The following PKD1L1 variants were observed in gnomAD, a reference collection of about 807,000 sequenced individuals.
The protein encoded by PKD1L1 is polycystin 1 like 1, transient receptor potential channel interacting, also known as polycystin-1-like protein 1.
In PKD1L1, 236 loss-of-function variants were observed where a neutral mutation model predicts 323.4. The observed-to-expected ratio is 0.73, with a 90% CI of 0.66 to 0.81. PKD1L1 has a LOEUF of 0.81. PKD1L1 is among the 40% of genes least tolerant of loss of function. PKD1L1 has a pLI of 0.00. For synonymous variants in PKD1L1, 1,344 were observed against 1,335.0 expected (o/e 1.01, Z -0.15); for missense variants, 3,320 against 3,508.0 (o/e 0.95, Z 1.35).
At chr7:47,880,259 T>G (rs1281936041) in intron 21 of PKD1L1, among the ~76,000 whole-genome samples, 5 of 94,324 alleles carry the variant, frequency 5.3e-5, no homozygotes, top group African/African-American at 2.8e-4. Context: ...TATATATATA[T>G]ATATACATAT....
chr7:47,932,158 C>T (rs1787784399), intron 4 of PKD1L1, 102 bp from the exon 5 acceptor site: 1 of 1,479,572 alleles, frequency 6.8e-7, no homozygotes, highest in Non-Finnish European at 9.0e-7. Context: ...CCAGGCTTTG[C>T]TGGAAATTCC....
At chr7:47,821,659 T>C (rs946836311) in intron 45 of PKD1L1, among the ~76,000 whole-genome samples, 1 of 150,146 alleles carries the variant, frequency 6.7e-6, no homozygotes, top group Non-Finnish European at 1.5e-5. Flanking sequence ...TATTTATTTA[T>C]TTATTTTGCA....
At chr7:47,838,681 C>T (rs1352405778) in intron 36 of PKD1L1, among the ~76,000 whole-genome samples, 1 of 151,844 alleles carries the variant, frequency 6.6e-6, no homozygotes. Flanking sequence ...AGATCAAGAC[C>T]AATCTGGCCA....
At chr7:47,804,309 G>A (rs1784728443) in intron 52 of PKD1L1, among the ~76,000 whole-genome samples, 1 of 152,110 alleles carries the variant, frequency 6.6e-6, no homozygotes, top group South Asian at 2.1e-4. Flanking sequence ...CAAGCTATGG[G>A]TAGAATTTTC....
At chr7:47,943,328 T>C (rs1327251797) in intron 2 of PKD1L1, 68 bp downstream of exon 2, 4 of 1,258,470 alleles carry the variant, frequency 3.2e-6, no homozygotes, top group Non-Finnish European at 4.6e-6. Flanking sequence ...GAAGATGTCC[T>C]GTTTATACCA....
chr7:47,795,866 T>C, intron 55 of PKD1L1, 123 bp downstream of exon 55: 6 of 1,214,992 alleles, frequency 4.9e-6, no homozygotes, highest in Non-Finnish European at 7.1e-6. Context: ...TTTTGTGGCT[T>C]TGCAAGGAGA....
At chr7:47,785,655 C>A (rs1786789090) in intron 56 of PKD1L1, among the ~76,000 whole-genome samples, 1 of 152,128 alleles carries the variant, frequency 6.6e-6, no homozygotes, top group Non-Finnish European at 1.5e-5. Context: ...ACCCTCAGAC[C>A]TGCCTGACCT....
the PKD1L1 span, among the ~76,000 whole-genome samples, chr7:47,960,761 A>G: frequency 0.46 from 70,276 of 151,140 alleles, 16,883 homozygotes; most frequent in East Asian, 0.53. Context: ...AATGGCCAAC[A>G]GGTATATGAA....
chr7:47,904,758 A>G (rs1385183832), intron 11 of PKD1L1, 141 bp from the exon 12 acceptor site: 1 of 1,075,000 alleles, frequency 9.3e-7, no homozygotes. Flanking sequence ...CTACAAAAGT[A>G]TCTAGTGATT....
rs35198089 is a variant in PKD1L1 at position 47,880,284 on chromosome 7, A to ATTTTTTT, written c.3520+437_3520+443dup. ...TATATACATATATATATATATATAT[A>ATTTTTTT]TTTTTTTTTTTTTTTTTGAGACAGT... is the stretch of plus-strand genomic sequence containing the variant. On this transcript the variant is annotated intron_variant, in intron 21 of 56. Transcript: ENST00000289672. Among the ~76,000 whole-genome samples the ATTTTTTT allele has an allele frequency of 2.2e-3, 123 of 56,742 alleles. 4 individuals carry two copies. The highest frequency in any genetic ancestry group is 0.012 in the African/African-American group (111 of 9,348). The allele number at this position is 56,742 out of a possible 152,430, so 37.2% of individuals were successfully genotyped here.
intron 17 of PKD1L1, among the ~76,000 whole-genome samples, chr7:47,886,427 C>T (rs1288210130): frequency 1.3e-5 from 2 of 152,094 alleles, no homozygotes; most frequent in East Asian, 1.9e-4. Context: ...CTCCCCTACC[C>T]GCCAGTAAGT....
rs567192511 is a variant in PKD1L1, at chr7:47,872,592, C to T, written c.3896+1307G>A. On this transcript the variant is annotated intron_variant, in intron 24 of 56. Transcript: ENST00000289672. ...GATATACAAAGCATATGAAAAGATG[C>T]TCAACCTCATCAATTATTAGAGAAA... 5.4e-4 allele frequency among the ~76,000 whole-genome samples: 82 copies of T among 152,252 alleles called. 2 individuals carry two copies. The highest frequency in any genetic ancestry group is 1.0e-3 in the South Asian group (5 of 4,828).
chr7:47,912,728 A>C (rs111362179), intron 8 of PKD1L1, among the ~76,000 whole-genome samples: 3 of 150,804 alleles, frequency 2.0e-5, no homozygotes, highest in Non-Finnish European at 4.4e-5. Flanking sequence ...AGGCATGAGA[A>C]TCACTTGAAC....
intron 33 of PKD1L1, among the ~76,000 whole-genome samples, chr7:47,843,698 A>C (rs929659772): frequency 2.6e-5 from 4 of 152,000 alleles, no homozygotes; most frequent in Non-Finnish European, 4.4e-5. Context: ...GTTCCCAGGC[A>C]CCAACACTGG....
intron 52 of PKD1L1, among the ~76,000 whole-genome samples, chr7:47,807,859 G>A (rs1784813567): frequency 6.6e-6 from 1 of 152,186 alleles, no homozygotes; most frequent in African/African-American, 2.4e-5. Flanking sequence ...CACTTGCAGA[G>A]TGGCTAATAC....
chr7:47,816,305 G>A lies in PKD1L1; in HGVS notation c.6966-848C>T, dbSNP rs150098471. Among the ~76,000 whole-genome samples the A allele has an allele frequency of 2.4e-4, 37 of 152,254 alleles. 1 individual carries two copies. The highest frequency in any genetic ancestry group is 7.0e-4 in the African/African-American group (29 of 41,546). On this transcript the variant is annotated intron_variant, in intron 46 of 56. Coordinates refer to ENST00000289672, the MANE Select transcript of PKD1L1 (RefSeq NM_138295.5). ...TAGATATGCTTCATTTTTCCACCAA[G>A]GAACTGATTTAAGGGAGCACTGAAA...
intron 25 of PKD1L1, 80 bp downstream of exon 25, chr7:47,866,339 G>C: frequency 6.9e-7 from 1 of 1,453,646 alleles, no homozygotes; most frequent in East Asian, 2.3e-5. Context: ...ATGACCACTT[G>C]CTAGTGAGCC....
At chr7:47,834,888 G>T in intron 39 of PKD1L1, 79 bp downstream of exon 39, 1 of 1,201,834 alleles carries the variant, frequency 8.3e-7, no homozygotes. Flanking sequence ...GAAAACAGAA[G>T]ATACAATTTC....
At chr7:47,909,823 G>A (rs896175164) in intron 8 of PKD1L1, among the ~76,000 whole-genome samples, 5 of 152,146 alleles carry the variant, frequency 3.3e-5, no homozygotes, top group African/African-American at 1.2e-4. Context: ...AAGAAAAAAG[G>A]GAATGATCTT....
Sources: gnomAD v4.1 joint callset for allele counts (sites outside exome capture counted in the v4.1 genomes callset) on GRCh38, gnomAD v4.1.1 for gene constraint, MANE v1.5 for transcripts, NCBI Gene and HGNC (gene_info 2026-07-23, HGNC 2026-07-21) for gene names.